HTR1F: variants seen among roughly 807,000 people sequenced by gnomAD.
HTR1F encodes 5-hydroxytryptamine (serotonin) receptor 1F, G protein-coupled.
A neutral mutation model predicts 24.0 loss-of-function variants in HTR1F; 17 were observed. That is an observed-to-expected ratio of 0.71 (90% CI 0.48 to 1.06). The LOEUF (loss-of-function observed/expected upper bound fraction) is 1.06, where lower values mean the gene tolerates loss of function less well. Among genes scored for constraint, HTR1F ranks in the 50% least tolerant of loss-of-function variants. The pLI is 0.00. For missense variants in HTR1F, 391 were observed against 427.8 expected (o/e 0.91, Z 0.76); for synonymous variants, 186 against 156.8 (o/e 1.19, Z -1.39).
At chr3:87,864,219 C>A (rs1214971232) in intron 2 of HTR1F, among the ~76,000 whole-genome samples, 2 of 152,116 alleles carry the variant, frequency 1.3e-5, no homozygotes, top group African/African-American at 4.8e-5. Flanking sequence ...TTAACATATT[C>A]ACAGTTTCTG....
At chr3:87,839,461 T>G (rs1270564727) in intron 2 of HTR1F, among the ~76,000 whole-genome samples, 2 of 152,166 alleles carry the variant, frequency 1.3e-5, no homozygotes, top group African/African-American at 4.8e-5. Flanking sequence ...TATTATGGCT[T>G]TGTAATATAT....
At chr3:87,882,891 A>T (rs1210020707) in intron 2 of HTR1F, among the ~76,000 whole-genome samples, 16 of 152,200 alleles carry the variant, frequency 1.1e-4, no homozygotes, top group Admixed American at 4.6e-4. Flanking sequence ...AAAAAAAGGC[A>T]GCAGACAACT....
At chr3:87,929,272 A>G (rs1361189452) in intron 2 of HTR1F, among the ~76,000 whole-genome samples, 2 of 152,104 alleles carry the variant, frequency 1.3e-5, no homozygotes, top group Non-Finnish European at 2.9e-5. Flanking sequence ...TCTCAGCAAA[A>G]CAGTTATGAA....
At chr3:87,947,880 G>A (rs772876872) in intron 2 of HTR1F, among the ~76,000 whole-genome samples, 18 of 151,802 alleles carry the variant, frequency 1.2e-4, no homozygotes, top group Non-Finnish European at 2.6e-4. Flanking sequence ...CACTCAAATC[G>A]AATAATGTTG....
intron 2 of HTR1F, among the ~76,000 whole-genome samples, chr3:87,921,639 T>C (rs760630088): frequency 1.8e-4 from 27 of 151,934 alleles, no homozygotes; most frequent in Non-Finnish European, 3.4e-4. Flanking sequence ...TTGTTAACTA[T>C]CATCATTCTA....
chr3:87,869,454 T>TGATAGATAGATAGATAGATA (rs4038036), intron 2 of HTR1F, among the ~76,000 whole-genome samples: 61 of 124,836 alleles, frequency 4.9e-4, no homozygotes, highest in East Asian at 2.3e-3. Context: ...GATAGATAGA[T>TGATAGATAGATAGATAGATA]GATAGATAGA....
chr3:87,884,753 G>T (rs1243915438), intron 2 of HTR1F, among the ~76,000 whole-genome samples: 1 of 152,008 alleles, frequency 6.6e-6, no homozygotes, highest in Non-Finnish European at 1.5e-5. Flanking sequence ...GACAAAGAAG[G>T]CCATTACATA....
At chr3:87,901,080 G>A (rs545586239) in intron 2 of HTR1F, among the ~76,000 whole-genome samples, 4 of 152,280 alleles carry the variant, frequency 2.6e-5, no homozygotes, top group South Asian at 4.1e-4. Context: ...GTTTGACTTC[G>A]CAACAGTGCA....
At chr3:87,923,022 C>T (rs191415427) in intron 2 of HTR1F, among the ~76,000 whole-genome samples, 15 of 151,770 alleles carry the variant, frequency 9.9e-5, no homozygotes, top group Admixed American at 2.6e-4. Flanking sequence ...TTTATTAAGA[C>T]TGTCCCATCC....
chr3:87,875,081 T>C (rs1360941702), intron 2 of HTR1F, among the ~76,000 whole-genome samples: 1 of 152,178 alleles, frequency 6.6e-6, no homozygotes, highest in South Asian at 2.1e-4. Flanking sequence ...TGGGCAATAA[T>C]TTTTTGGATA....
chr3:87,832,423 G>A (rs1440876846), intron 2 of HTR1F, among the ~76,000 whole-genome samples: 1 of 151,024 alleles, frequency 6.6e-6, no homozygotes, highest in Non-Finnish European at 1.5e-5. Flanking sequence ...TTCCTCCCGG[G>A]TTGAAGCAAT....
intron 2 of HTR1F, among the ~76,000 whole-genome samples, chr3:87,854,481 GT>G (rs568913667): frequency 1.2e-3 from 185 of 151,482 alleles, no homozygotes; most frequent in Non-Finnish European, 2.4e-3. Flanking sequence ...AATACCTAGG[GT>G]AGGTGTGGCT....
chr3:87,976,499 TA>T (rs929400013), intron 2 of HTR1F, among the ~76,000 whole-genome samples: 38 of 152,020 alleles, frequency 2.5e-4, no homozygotes, highest in Non-Finnish European at 2.2e-4. Context: ...CCCCATCTCT[TA>T]AAAAAAACTG....
At chr3:87,822,497 T>G (rs1704378991) in intron 2 of HTR1F, among the ~76,000 whole-genome samples, 1 of 152,208 alleles carries the variant, frequency 6.6e-6, no homozygotes, top group African/African-American at 2.4e-5. Context: ...GATTTTATAT[T>G]TAACCATCTT....
chr3:87,815,118 C>A, intron 1 of HTR1F, among the ~76,000 whole-genome samples: 1 of 151,894 alleles, frequency 6.6e-6, no homozygotes, highest in South Asian at 2.1e-4. Flanking sequence ...GTATTTGCTA[C>A]AAAAATACAA....
chr3:87,842,727 T>G (rs1340595554), intron 2 of HTR1F, among the ~76,000 whole-genome samples: 1 of 151,984 alleles, frequency 6.6e-6, no homozygotes, highest in Non-Finnish European at 1.5e-5. Flanking sequence ...ACTAGAAATC[T>G]CTACAGATTA....
intron 2 of HTR1F, among the ~76,000 whole-genome samples, chr3:87,977,176 A>G (rs1372935647): frequency 6.6e-6 from 1 of 152,172 alleles, no homozygotes; most frequent in East Asian, 1.9e-4. Flanking sequence ...TGGGGTAAAA[A>G]TTGAAATGCT....
At chr3:87,882,947 T>C (rs566250268) in intron 2 of HTR1F, among the ~76,000 whole-genome samples, 26 of 152,306 alleles carry the variant, frequency 1.7e-4, no homozygotes, top group African/African-American at 5.1e-4. Context: ...AAGAGAACAG[T>C]GGTCCTCCCA....
At chr3:87,923,968 T>G (rs1381295665) in intron 2 of HTR1F, among the ~76,000 whole-genome samples, 3 of 152,090 alleles carry the variant, frequency 2.0e-5, no homozygotes, top group African/African-American at 7.2e-5. Context: ...TTATTTTATG[T>G]CCTTGTCTAG....
Sources: gnomAD v4.1 joint callset for allele counts (sites outside exome capture counted in the v4.1 genomes callset) on GRCh38, gnomAD v4.1.1 for gene constraint, MANE v1.5 for transcripts, NCBI Gene and HGNC (gene_info 2026-07-23, HGNC 2026-07-21) for gene names.